Variants in DMD observed in about 807,000 individuals in gnomAD.
DMD encodes the protein mutant dystrophin.
In DMD, 63 loss-of-function variants were observed where a neutral mutation model predicts 330.1. The ratio of observed to expected loss-of-function variants is 0.19; its 90% CI spans 0.16 to 0.24. The LOEUF is 0.24. Among genes scored for constraint, DMD ranks in the 10% least tolerant of loss-of-function variants. The pLI, the probability that DMD is intolerant of heterozygous loss-of-function variation, is 1.00. For synonymous variants in DMD, 1,223 were observed against 959.8 expected (o/e 1.27, Z -5.07); for missense variants, 3,344 against 2,684.1 (o/e 1.25, Z -5.43).
chrX:32,743,194 G>A lies in DMD; in HGVS notation c.650-43901C>T, dbSNP rs1296482179. 2.0e-4 allele frequency among the ~76,000 whole-genome samples: 22 copies of A among 111,348 alleles called. No homozygotes were observed. In the Admixed American group the frequency reaches 2.1e-3, roughly 11 times the overall value. On this transcript the variant is annotated intron_variant, in intron 7 of 78. Transcript: ENST00000357033. ...CAACAGATGACCAGCAGGAGTTGGTGTATAAATACCTTAGCATTCTCATCT... is the reference window on the plus strand; with the variant it reads ...CAACAGATGACCAGCAGGAGTTGGTATATAAATACCTTAGCATTCTCATCT...
At chrX:32,356,084 T>G (rs1021862865) in intron 37 of DMD, among the ~76,000 whole-genome samples, 10 of 110,562 alleles carry the variant, frequency 9.0e-5, no homozygotes, top group Non-Finnish European at 1.7e-4. Context: ...AAGCTTTAAT[T>G]AAAAATTTTC....
chrX:32,875,823 T>G (rs2083332422), intron 2 of DMD, among the ~76,000 whole-genome samples: 1 of 112,054 alleles, frequency 8.9e-6, no homozygotes, highest in South Asian at 3.7e-4. Flanking sequence ...TCCTAACACT[T>G]CTTTGCTGGC....
chrX:31,661,937 T>C (rs997383991), intron 53 of DMD, among the ~76,000 whole-genome samples: 4 of 111,908 alleles, frequency 3.6e-5, no homozygotes, highest in African/African-American at 9.8e-5. Flanking sequence ...TTCAAGAATT[T>C]TGAGTATTTT....
intron 51 of DMD, among the ~76,000 whole-genome samples, chrX:31,759,022 A>T (rs1048721176): frequency 8.9e-6 from 1 of 111,969 alleles, no homozygotes; most frequent in Admixed American, 9.5e-5. Context: ...AGTTGAACAA[A>T]CTGTAATAGA....
intron 47 of DMD, among the ~76,000 whole-genome samples, chrX:31,900,613 G>C (rs773167254): frequency 9.0e-6 from 1 of 111,489 alleles, no homozygotes; most frequent in Non-Finnish European, 1.9e-5. Context: ...GGTACCAGTA[G>C]AGTGGGGCAC....
intron 7 of DMD, among the ~76,000 whole-genome samples, chrX:32,720,132 A>C (rs1220651977): frequency 9.0e-6 from 1 of 111,693 alleles, no homozygotes; most frequent in Non-Finnish European, 1.9e-5. Flanking sequence ...CAACACTCGT[A>C]ACACCTATTA....
At chrX:32,798,410 T>C (rs2076324204) in intron 7 of DMD, among the ~76,000 whole-genome samples, 1 of 112,199 alleles carries the variant, frequency 8.9e-6, no homozygotes, top group African/African-American at 3.2e-5. Flanking sequence ...ATGCCTCTTC[T>C]AACTTTTAGG....
At chrX:32,690,887 C>G (rs928870470) in intron 9 of DMD, among the ~76,000 whole-genome samples, 3 of 111,328 alleles carry the variant, frequency 2.7e-5, no homozygotes, top group African/African-American at 9.8e-5. Context: ...CCATAAAACT[C>G]CTAGAAGAAA....
intron 74 of DMD, among the ~76,000 whole-genome samples, chrX:31,153,607 C>G (rs1602201932): frequency 8.9e-6 from 1 of 112,028 alleles, no homozygotes; most frequent in African/African-American, 3.2e-5. Flanking sequence ...TGCCTTCAAG[C>G]AAGAGCTAAT....
intron 47 of DMD, among the ~76,000 whole-genome samples, chrX:31,900,515 A>G (rs941285241): frequency 9.0e-6 from 1 of 111,416 alleles, no homozygotes; most frequent in African/African-American, 3.3e-5. Context: ...GTGGAACCGT[A>G]AGTCCATTAA....
At chrX:31,772,427 C>T (rs907149067) in intron 51 of DMD, among the ~76,000 whole-genome samples, 7 of 111,661 alleles carry the variant, frequency 6.3e-5, no homozygotes, top group African/African-American at 2.3e-4. Flanking sequence ...AATAAAAGTC[C>T]TGGGAGTATT....
At chrX:31,580,164 C>T (rs1341096773) in intron 55 of DMD, among the ~76,000 whole-genome samples, 4 of 112,219 alleles carry the variant, frequency 3.6e-5, no homozygotes, top group African/African-American at 1.3e-4. Context: ...TAATTCCCTA[C>T]TGCCAGGGAG....
chrX:32,941,185 C>T (rs1331193854), intron 2 of DMD, among the ~76,000 whole-genome samples: 3 of 111,938 alleles, frequency 2.7e-5, no homozygotes, highest in Non-Finnish European at 1.9e-5. Flanking sequence ...AAAGGGAATG[C>T]TTATACACTG....
chrX:32,666,752 T>G (rs2061327911), intron 9 of DMD, among the ~76,000 whole-genome samples: 1 of 106,687 alleles, frequency 9.4e-6, no homozygotes, highest in African/African-American at 3.4e-5. Context: ...TCGTTGAACC[T>G]GGGAGGCAGG....
intron 4 of DMD, among the ~76,000 whole-genome samples, chrX:32,829,871 A>T (rs1603443198): frequency 8.9e-6 from 1 of 112,123 alleles, no homozygotes; most frequent in East Asian, 2.8e-4. Flanking sequence ...GATAGAAGAT[A>T]TTTCATTAAT....
At chrX:32,462,336 G>A (rs1039694097) in intron 25 of DMD, among the ~76,000 whole-genome samples, 2 of 111,697 alleles carry the variant, frequency 1.8e-5, no homozygotes, top group African/African-American at 6.5e-5. Context: ...TGTGCTCACC[G>A]ATTTTAGGAT....
At chrX:32,258,280 G>A (rs2097307565) in intron 43 of DMD, among the ~76,000 whole-genome samples, 1 of 111,717 alleles carries the variant, frequency 9.0e-6, no homozygotes, top group African/African-American at 3.3e-5. Flanking sequence ...TACAGAACCA[G>A]AAATACCATT....
chrX:32,731,239 T>C (rs757470106), intron 7 of DMD, among the ~76,000 whole-genome samples: 1 of 112,411 alleles, frequency 8.9e-6, no homozygotes, highest in African/African-American at 3.2e-5. Flanking sequence ...GATTATATCC[T>C]GCATCTGGCT....
rs184562273 is a variant in DMD at position 32,479,969 on chromosome X, G to A, written c.2803+4950C>T. Among the ~76,000 whole-genome samples, 4 of 111,026 alleles carry A rather than the reference G, an allele frequency of 3.6e-5. No homozygotes were observed. The East Asian group carries it at 1.1e-3, about 32-fold the overall frequency. Reference sequence around the variant, plus strand: ...AAGGAAACTATTAACAGAGTGAAGAGGCAGCTCACAGATCAAGAGAAAATA... The same window carrying A: ...AAGGAAACTATTAACAGAGTGAAGAAGCAGCTCACAGATCAAGAGAAAATA... On this transcript the variant is annotated intron_variant, in intron 21 of 78. Transcript: ENST00000357033.
Sources: allele counts gnomAD v4.1 joint callset (sites outside exome capture counted in the v4.1 genomes callset), GRCh38; gene constraint gnomAD v4.1.1; transcripts MANE v1.5; gene names NCBI Gene and HGNC (gene_info 2026-07-23, HGNC 2026-07-21).